Variants in ABTB2 observed in about 807,000 individuals in gnomAD.
The protein encoded by ABTB2 is ankyrin repeat and BTB domain containing 2, also known as ankyrin repeat and BTB/POZ domain-containing protein 2.
Under a neutral mutation model 104.1 loss-of-function variants are expected in ABTB2, and 56 were observed. The ratio of observed to expected loss-of-function variants is 0.54; its 90% CI spans 0.43 to 0.67. The LOEUF is 0.67. Among genes scored for constraint, ABTB2 ranks in the 30% least tolerant of loss-of-function variants. The pLI, the probability that ABTB2 is intolerant of heterozygous loss-of-function variation, is 0.00. For synonymous variants in ABTB2, 606 were observed against 608.2 expected (o/e 1.00, Z 0.05); for missense variants, 1,279 against 1,407.7 (o/e 0.91, Z 1.46).
In ABTB2 at chr11:34,154,993, C is replaced by G. The variant is rs1240771258; in HGVS notation, c.2698-224G>C. ...CCTGAGTCCCTGCCCGGATAACAGG[C>G]TCTCTCCTTGGAATGTTTTCCCTAC... On this transcript the variant is annotated intron_variant, in intron 14 of 16. Coordinates refer to ENST00000435224, the MANE Select transcript of ABTB2 (RefSeq NM_145804.3). The surrounding 1 kb of genome is among the most constrained non-coding windows in gnomAD (Gnocchi z 4.9). Among the ~76,000 whole-genome samples, 1 of 152,208 alleles carries G rather than the reference C, an allele frequency of 6.6e-6. No homozygotes were observed. Among genetic ancestry groups the G allele is most frequent in the Non-Finnish European group, 1.5e-5 (1 of 68,042 alleles).
At chr11:34,281,935 A>T (rs551613511) in intron 1 of ABTB2, among the ~76,000 whole-genome samples, 68 of 152,332 alleles carry the variant, frequency 4.5e-4, no homozygotes, top group African/African-American at 1.5e-3. Context: ...AAATCAAAAT[A>T]CCTAGTAATA....
chr11:34,292,697 G>A (rs1410009201), intron 1 of ABTB2, among the ~76,000 whole-genome samples: 1 of 152,196 alleles, frequency 6.6e-6, no homozygotes, highest in Non-Finnish European at 1.5e-5. Context: ...AGCCAGGAAA[G>A]CGAACGGAGA....
chr11:34,337,160 G>A (rs1855201266), intron 1 of ABTB2, among the ~76,000 whole-genome samples: 1 of 152,254 alleles, frequency 6.6e-6, no homozygotes, highest in South Asian at 2.1e-4. Context: ...CCTGTGCTGG[G>A]CTTGCACCTG....
chr11:34,277,897 C>T (rs543489247), intron 1 of ABTB2, among the ~76,000 whole-genome samples: 23 of 148,970 alleles, frequency 1.5e-4, no homozygotes, highest in African/African-American at 4.5e-4. Flanking sequence ...CTCCACTTCC[C>T]GGGTTCAAGC....
chr11:34,289,909 C>G (rs1485909702), intron 1 of ABTB2, among the ~76,000 whole-genome samples: 1 of 152,170 alleles, frequency 6.6e-6, no homozygotes, highest in Non-Finnish European at 1.5e-5. Flanking sequence ...ACCCACACAG[C>G]CTTTTTAAGG....
chr11:34,249,605 A>C (rs1231908296), intron 1 of ABTB2, among the ~76,000 whole-genome samples: 1 of 152,182 alleles, frequency 6.6e-6, no homozygotes, highest in East Asian at 1.9e-4. Context: ...ACCCCACTTG[A>C]ACATCTAACT....
intron 1 of ABTB2, among the ~76,000 whole-genome samples, chr11:34,270,606 C>T (rs539934460): frequency 1.4e-4 from 21 of 152,316 alleles, no homozygotes; most frequent in Admixed American, 1.4e-3. Flanking sequence ...TCCCAAAGTG[C>T]TGGGATTACA....
intron 1 of ABTB2, among the ~76,000 whole-genome samples, chr11:34,226,318 A>T: frequency 6.6e-6 from 1 of 151,980 alleles, no homozygotes; most frequent in East Asian, 1.9e-4. Flanking sequence ...CTTGATCCAG[A>T]GCCCAGTCTC....
chr11:34,237,422 C>T (rs111782721), intron 1 of ABTB2, among the ~76,000 whole-genome samples: 4,516 of 152,006 alleles, frequency 0.03, 213 homozygotes, highest in African/African-American at 0.1. Context: ...GGATTTCAGG[C>T]GTGAGCCACT....
Position 34,154,931 on chromosome 11 carries a change from G to T in ABTB2, c.2698-162C>A, listed in dbSNP as rs898620384. Among the ~76,000 whole-genome samples the T allele has an allele frequency of 1.3e-5, 2 of 152,200 alleles. No homozygotes were observed. Among genetic ancestry groups the T allele is most frequent in the African/African-American group, 2.4e-5 (1 of 41,466 alleles). On this transcript the variant is annotated intron_variant, in intron 14 of 16. Transcript: ENST00000435224. This position sits in a 1 kb window ranked among gnomAD's most constrained non-coding sequence, Gnocchi z 4.9. ...CCCTCTCCTGCTCAGGCTGAGACTT[G>T]TGTTTTCCCGGGGAAGCCAACTCCA...
chr11:34,263,395 GGA>G (rs758801996), intron 1 of ABTB2, among the ~76,000 whole-genome samples: 5 of 152,174 alleles, frequency 3.3e-5, no homozygotes, highest in Non-Finnish European at 7.3e-5. Flanking sequence ...CAGGGTGGAT[GGA>G]GAGAGGAGGT....
intron 1 of ABTB2, among the ~76,000 whole-genome samples, chr11:34,223,674 T>C (rs149164570): frequency 2.4e-3 from 372 of 152,276 alleles, no homozygotes; most frequent in African/African-American, 8.6e-3. Flanking sequence ...AGGAAAGCAG[T>C]CTCCTGCGCC....
intron 1 of ABTB2, among the ~76,000 whole-genome samples, chr11:34,285,684 A>AT (rs1404863636): frequency 6.6e-6 from 1 of 152,112 alleles, no homozygotes; most frequent in East Asian, 1.9e-4. Context: ...GGATTTCAGT[A>AT]TTTTTAAGAG....
At chr11:34,243,194 A>C (rs1169180091) in intron 1 of ABTB2, among the ~76,000 whole-genome samples, 1 of 152,188 alleles carries the variant, frequency 6.6e-6, no homozygotes, top group Non-Finnish European at 1.5e-5. Flanking sequence ...TGACCAGCAA[A>C]GAGACGTGTG....
intron 1 of ABTB2, among the ~76,000 whole-genome samples, chr11:34,337,205 T>C (rs1855201620): frequency 6.6e-6 from 1 of 152,184 alleles, no homozygotes; most frequent in South Asian, 2.1e-4. Context: ...ACCTGGCTTA[T>C]TTGTTGAGGA....
chr11:34,183,783 A>G (rs571985890), intron 3 of ABTB2, among the ~76,000 whole-genome samples: 1 of 152,174 alleles, frequency 6.6e-6, no homozygotes, highest in East Asian at 1.9e-4. Flanking sequence ...GGTGTTAGAA[A>G]CTTCATTTTT....
rs2067092435 is a variant in ABTB2, at chr11:34,165,826, T to G, written c.1756-470A>C. Among the ~76,000 whole-genome samples, 3 of 152,340 alleles carry G rather than the reference T, an allele frequency of 2.0e-5. No individual in the cohort carries two copies. In the South Asian group the frequency reaches 6.2e-4, roughly 32 times the overall value. On this transcript the variant is annotated intron_variant, in intron 7 of 16. Transcript: ENST00000435224. Reference sequence around the variant, plus strand: ...TCAACTCCCAGAGCCTCAGTCTTCCTCATTCACAGAATGGGAAGAGGGGCT... The same window carrying G: ...TCAACTCCCAGAGCCTCAGTCTTCCGCATTCACAGAATGGGAAGAGGGGCT...
intron 14 of ABTB2, among the ~76,000 whole-genome samples, chr11:34,158,392 G>A (rs969243941): frequency 6.6e-6 from 1 of 152,092 alleles, no homozygotes; most frequent in Non-Finnish European, 1.5e-5. Flanking sequence ...CAGCCTGGGC[G>A]ACAGTGAGAC....
At chr11:34,266,727 G>A (rs1365824217) in intron 1 of ABTB2, among the ~76,000 whole-genome samples, 2 of 151,850 alleles carry the variant, frequency 1.3e-5, no homozygotes, top group Non-Finnish European at 2.9e-5. Context: ...ATTTTAATAC[G>A]CTACTGTGCT....
Sources: allele counts gnomAD v4.1 joint callset (sites outside exome capture counted in the v4.1 genomes callset), GRCh38; gene constraint gnomAD v4.1.1; non-coding constraint Gnocchi (gnomAD v3.1); transcripts MANE v1.5; gene names NCBI Gene and HGNC (gene_info 2026-07-23, HGNC 2026-07-21).